The following MB21D2 variants were observed in gnomAD, a reference collection of about 807,000 sequenced individuals.
MB21D2 encodes nucleotidyltransferase MB21D2.
A neutral mutation model predicts 33.3 loss-of-function variants in MB21D2; 9 were observed. That is an observed-to-expected ratio of 0.27 (90% CI 0.16 to 0.47). The LOEUF (loss-of-function observed/expected upper bound fraction) is 0.47, where lower values mean the gene tolerates loss of function less well. MB21D2 is among the 20% of genes least tolerant of loss of function. The pLI is 0.99. For synonymous variants in MB21D2, 241 were observed against 236.3 expected, an observed-to-expected ratio of 1.02 and a Z score of -0.18; for missense variants, 540 against 624.6, an observed-to-expected ratio of 0.86 and a Z score of 1.44.
At chr3:192,882,822 C>T (rs929627254) in intron 1 of MB21D2, among the ~76,000 whole-genome samples, 1 of 151,852 alleles carries the variant, frequency 6.6e-6, no homozygotes, top group East Asian at 1.9e-4. Context: ...GCAACCTTCA[C>T]CTCCTAGGTT....
At chr3:192,883,499 A>T (rs1226202895) in intron 1 of MB21D2, among the ~76,000 whole-genome samples, 1 of 152,126 alleles carries the variant, frequency 6.6e-6, no homozygotes, top group Non-Finnish European at 1.5e-5. Flanking sequence ...AAGCGTAGGG[A>T]ATTTTAAACA....
intron 1 of MB21D2, among the ~76,000 whole-genome samples, chr3:192,909,997 G>A (rs1282464245): frequency 6.9e-6 from 1 of 145,884 alleles, no homozygotes; most frequent in Admixed American, 6.9e-5. Context: ...GAGCCTAAGA[G>A]CCTAAGCAAA....
intron 1 of MB21D2, among the ~76,000 whole-genome samples, chr3:192,845,375 C>T (rs1560237562): frequency 6.6e-6 from 1 of 152,210 alleles, no homozygotes; most frequent in African/African-American, 2.4e-5. Context: ...CACTGTAGAG[C>T]CAAGGGTGAG....
At chr3:192,858,730 G>A (rs1421620701) in intron 1 of MB21D2, among the ~76,000 whole-genome samples, 1 of 152,198 alleles carries the variant, frequency 6.6e-6, no homozygotes, top group East Asian at 1.9e-4. Context: ...TATGTCCCCA[G>A]GCCTGTCAGT....
intron 1 of MB21D2, among the ~76,000 whole-genome samples, chr3:192,805,463 A>C (rs1037529474): frequency 1.3e-5 from 2 of 152,342 alleles, no homozygotes; most frequent in African/African-American, 4.8e-5. Context: ...ACTGCATATA[A>C]TTTTATTTTT....
chr3:192,845,538 C>A (rs1018162860), intron 1 of MB21D2, among the ~76,000 whole-genome samples: 1 of 152,244 alleles, frequency 6.6e-6, no homozygotes, highest in Admixed American at 6.5e-5. Flanking sequence ...CAAAGGTGAG[C>A]AAATCCTCCA....
chr3:192,881,160 T>A (rs974942877), intron 1 of MB21D2, among the ~76,000 whole-genome samples: 1 of 152,280 alleles, frequency 6.6e-6, no homozygotes, highest in East Asian at 1.9e-4. Context: ...TAGCAAGTTA[T>A]CTTTGTAAAC....
chr3:192,806,590 T>C (rs1711666026), intron 1 of MB21D2, among the ~76,000 whole-genome samples: 1 of 152,194 alleles, frequency 6.6e-6, no homozygotes, highest in Non-Finnish European at 1.5e-5. Flanking sequence ...CAACATTCTT[T>C]TGCTGCATTG....
intron 1 of MB21D2, among the ~76,000 whole-genome samples, chr3:192,837,107 A>T (rs912554259): frequency 2.0e-5 from 3 of 152,166 alleles, no homozygotes; most frequent in African/African-American, 7.2e-5. Flanking sequence ...CATGTTTAAA[A>T]TATGCCCTGT....
At chr3:192,907,330 T>A (rs562000463) in intron 1 of MB21D2, among the ~76,000 whole-genome samples, 1 of 152,146 alleles carries the variant, frequency 6.6e-6, no homozygotes, top group Non-Finnish European at 1.5e-5. Context: ...TCACCCCCTA[T>A]ATACCCTTGG....
intron 1 of MB21D2, among the ~76,000 whole-genome samples, chr3:192,885,031 T>C (rs1401052912): frequency 6.6e-6 from 1 of 152,026 alleles, no homozygotes; most frequent in Admixed American, 6.5e-5. Flanking sequence ...TTAGAGATAT[T>C]TGAGAATTGA....
At chr3:192,870,761 G>A (rs1401886496) in intron 1 of MB21D2, among the ~76,000 whole-genome samples, 1 of 113,934 alleles carries the variant, frequency 8.8e-6, no homozygotes, top group Non-Finnish European at 1.7e-5. Flanking sequence ...GATTGCAAAG[G>A]CTAACAAGTT....
At chr3:192,861,818 A>G (rs916328719) in intron 1 of MB21D2, among the ~76,000 whole-genome samples, 2 of 152,062 alleles carry the variant, frequency 1.3e-5, no homozygotes, top group Non-Finnish European at 2.9e-5. Context: ...AAAACAACAA[A>G]AAAACAAAAA....
chr3:192,917,515 C>T (rs1714495394), intron 1 of MB21D2, 115 bp downstream of exon 1: 1 of 1,072,516 alleles, frequency 9.3e-7, no homozygotes, highest in South Asian at 1.5e-5. Context: ...ACCCAAGGCA[C>T]CGGCTCGGGA....
chr3:192,897,590 T>C (rs1714006363), intron 1 of MB21D2, among the ~76,000 whole-genome samples: 1 of 152,152 alleles, frequency 6.6e-6, no homozygotes, highest in Admixed American at 6.5e-5. Flanking sequence ...AGCTTTTAAA[T>C]ATTTGCTCCA....
intron 1 of MB21D2, among the ~76,000 whole-genome samples, chr3:192,860,965 G>A (rs1349416139): frequency 2.0e-5 from 3 of 152,194 alleles, no homozygotes; most frequent in Non-Finnish European, 2.9e-5. Context: ...AAAAGAAAGA[G>A]CATTAAACTA....
Position 192,867,822 on chromosome 3 carries a change from T to C in MB21D2, c.211+49808A>G, listed in dbSNP as rs532440371. 1.5e-4 allele frequency among the ~76,000 whole-genome samples: 23 copies of C among 152,244 alleles called. No homozygotes were observed. In the South Asian group the frequency reaches 4.6e-3, roughly 30 times the overall value. ...AGAAACTGGCAGCTTCCACTTCATA[T>C]CTCTTGGAATGTTCTCTCTGGGAGC... On this transcript the variant is annotated intron_variant, in intron 1 of 1. Transcript: ENST00000392452.
intron 1 of MB21D2, among the ~76,000 whole-genome samples, chr3:192,827,323 C>T (rs1712198432): frequency 6.6e-6 from 1 of 152,120 alleles, no homozygotes; most frequent in Non-Finnish European, 1.5e-5. Flanking sequence ...GATCCACAGT[C>T]GTTTATTGAA....
At chr3:192,842,278 C>A (rs79574299) in intron 1 of MB21D2, among the ~76,000 whole-genome samples, 1 of 152,198 alleles carries the variant, frequency 6.6e-6, no homozygotes, top group Non-Finnish European at 1.5e-5. Context: ...TGGCCTCCCA[C>A]GGCTGCCCGT....
Sources: allele counts gnomAD v4.1 joint callset (sites outside exome capture counted in the v4.1 genomes callset), GRCh38; gene constraint gnomAD v4.1.1; transcripts MANE v1.5; gene names NCBI Gene and HGNC (gene_info 2026-07-23, HGNC 2026-07-21).